The following DLG2 variants were observed in gnomAD, a reference collection of about 807,000 sequenced individuals.
DLG2 encodes discs large MAGUK scaffold protein 2.
DLG2 carries 45 observed loss-of-function variants against 132.5 expected under a neutral mutation model. The observed-to-expected ratio is 0.34, with a 90% CI of 0.27 to 0.44. The LOEUF (loss-of-function observed/expected upper bound fraction) is 0.44. Ranked by LOEUF, DLG2 falls within the 20% of genes least tolerant of loss-of-function variation. DLG2 has a pLI of 1.00. For synonymous variants in DLG2, 424 were observed against 419.6 expected (o/e 1.01, Z -0.13); for missense variants, 1,045 against 1,196.9 (o/e 0.87, Z 1.87).
intron 18 of DLG2, among the ~76,000 whole-genome samples, chr11:83,747,314 TCCTTCCTTCCTTCCTG>T (rs777811673): frequency 0.07 from 9,803 of 140,328 alleles, 445 homozygotes; most frequent in Middle Eastern, 0.15. Context: ...CTTCCTTCCT[TCCTTCCTTCCTTCCTG>T]CCTTCCTTCC....
At chr11:83,738,547 T>C (rs2092210218) in intron 18 of DLG2, among the ~76,000 whole-genome samples, 2 of 152,134 alleles carry the variant, frequency 1.3e-5, no homozygotes, top group African/African-American at 2.4e-5. Context: ...TCCAATTTCC[T>C]CTGCCTCAAA....
intron 15 of DLG2, among the ~76,000 whole-genome samples, chr11:83,907,079 A>G (rs760183412): frequency 6.6e-5 from 10 of 152,122 alleles, no homozygotes; most frequent in Non-Finnish European, 1.2e-4. Flanking sequence ...AAGATCTCGC[A>G]CTGAAGTTGT....
chr11:84,295,900 G>A (rs1285947218), intron 7 of DLG2, among the ~76,000 whole-genome samples: 1 of 152,150 alleles, frequency 6.6e-6, no homozygotes, highest in Non-Finnish European at 1.5e-5. Flanking sequence ...TATGCACTCT[G>A]TCAAGGCAAC....
chr11:85,003,263 C>T (rs2058367012), intron 6 of DLG2, among the ~76,000 whole-genome samples: 1 of 151,940 alleles, frequency 6.6e-6, no homozygotes, highest in African/African-American at 2.4e-5. Flanking sequence ...GTAAATAACA[C>T]AAAAAATTTC....
intron 6 of DLG2, among the ~76,000 whole-genome samples, chr11:84,635,246 G>A (rs552586770): frequency 6.6e-6 from 1 of 152,202 alleles, no homozygotes; most frequent in Non-Finnish European, 1.5e-5. Context: ...TTGGCAGGAA[G>A]TCCAATGCTG....
chr11:83,668,602 TG>T (rs1458199913), intron 18 of DLG2, among the ~76,000 whole-genome samples: 5 of 151,248 alleles, frequency 3.3e-5, no homozygotes, highest in African/African-American at 4.9e-5. Context: ...TACAATAAAA[TG>T]GAAGAAAAAC....
At chr11:85,281,832 T>C (rs1321659258) in intron 4 of DLG2, among the ~76,000 whole-genome samples, 2 of 151,990 alleles carry the variant, frequency 1.3e-5, no homozygotes, top group Non-Finnish European at 2.9e-5. Context: ...AGAGCTGCCA[T>C]ATGATTCAGC....
chr11:84,414,858 G>T (rs1374301815), intron 7 of DLG2, among the ~76,000 whole-genome samples: 1 of 152,078 alleles, frequency 6.6e-6, no homozygotes, highest in African/African-American at 2.4e-5. Context: ...ATACCTGATT[G>T]TTCACAATTG....
intron 3 of DLG2, among the ~76,000 whole-genome samples, chr11:85,410,451 T>C (rs147109870): frequency 6.6e-6 from 1 of 151,768 alleles, no homozygotes; most frequent in Non-Finnish European, 1.5e-5. Context: ...GAATTTACTT[T>C]CATCTGTTAG....
intron 6 of DLG2, among the ~76,000 whole-genome samples, chr11:85,006,607 CT>C (rs1234904830): frequency 6.6e-6 from 1 of 151,442 alleles, no homozygotes; most frequent in East Asian, 1.9e-4. Context: ...TCATTTATTT[CT>C]TCTCTCTTTT....
chr11:84,403,182 T>C (rs17205371), intron 7 of DLG2, among the ~76,000 whole-genome samples: 5,003 of 152,216 alleles, frequency 0.033, 139 homozygotes, highest in South Asian at 0.16. Flanking sequence ...GGTTAACATT[T>C]AAAATACAGT....
chr11:85,602,673 A>G (rs1183162491), intron 2 of DLG2, among the ~76,000 whole-genome samples: 1 of 151,942 alleles, frequency 6.6e-6, no homozygotes, highest in Middle Eastern at 3.2e-3. Context: ...TCATTCCTCA[A>G]CTCAAACCCT....
chr11:83,770,995 C>G (rs1412760130), intron 18 of DLG2, among the ~76,000 whole-genome samples: 1 of 152,190 alleles, frequency 6.6e-6, no homozygotes, highest in Non-Finnish European at 1.5e-5. Context: ...ATAAATAGAA[C>G]TATCCAAGTT....
intron 3 of DLG2, among the ~76,000 whole-genome samples, chr11:85,529,770 C>A (rs1431532168): frequency 6.6e-6 from 1 of 152,104 alleles, no homozygotes; most frequent in Non-Finnish European, 1.5e-5. Flanking sequence ...CACTTTAGGT[C>A]CAGTGTCTCC....
rs1366005696 is a variant in DLG2, at chr11:84,604,853, T to C, written c.358-70122A>G. ...TTTCAAAATATATTTTAACAAATAA[T>C]ATGTTCCTTTAAGAAAGGTCGATAG... On this transcript the variant is annotated intron_variant, in intron 6 of 27. Coordinates refer to ENST00000376104, the MANE Select transcript of DLG2 (RefSeq NM_001142699.3). Among the ~76,000 whole-genome samples, 4 of 151,982 alleles carry C rather than the reference T, an allele frequency of 2.6e-5. No homozygotes were observed. The East Asian group carries it at 5.8e-4, about 22-fold the overall frequency.
intron 6 of DLG2, among the ~76,000 whole-genome samples, chr11:84,620,359 T>C (rs994360996): frequency 2.0e-5 from 3 of 151,934 alleles, no homozygotes; most frequent in African/African-American, 7.2e-5. Context: ...TATATCTTTA[T>C]GATCTTGGGA....
chr11:84,888,916 A>G (rs1212952515), intron 6 of DLG2, among the ~76,000 whole-genome samples: 1 of 152,144 alleles, frequency 6.6e-6, no homozygotes, highest in Non-Finnish European at 1.5e-5. Flanking sequence ...CGTCTTCACC[A>G]CAACTGAAAA....
At chr11:83,950,518 C>A (rs1247063550) in intron 14 of DLG2, among the ~76,000 whole-genome samples, 2 of 152,106 alleles carry the variant, frequency 1.3e-5, no homozygotes, top group Non-Finnish European at 2.9e-5. Context: ...AGCTTGAATG[C>A]GAGAGACGAG....
intron 7 of DLG2, among the ~76,000 whole-genome samples, chr11:84,281,495 G>T (rs1441414758): frequency 6.6e-6 from 1 of 151,418 alleles, no homozygotes; most frequent in South Asian, 2.1e-4. Flanking sequence ...CAATGTGCAG[G>T]TTAGTTACAT....
Sources: gnomAD v4.1 joint callset for allele counts (sites outside exome capture counted in the v4.1 genomes callset) on GRCh38, gnomAD v4.1.1 for gene constraint, MANE v1.5 for transcripts, NCBI Gene and HGNC (gene_info 2026-07-23, HGNC 2026-07-21) for gene names.